The following ASAP2 variants were observed in gnomAD, a reference collection of about 807,000 sequenced individuals.
ASAP2 encodes arf-GAP with SH3 domain, ANK repeat and PH domain-containing protein 2.
In ASAP2, 45 loss-of-function variants were observed where a neutral mutation model predicts 131.4. The observed-to-expected ratio is 0.34, with a 90% CI of 0.27 to 0.44. ASAP2 has a LOEUF of 0.44. Among genes scored for constraint, ASAP2 ranks in the 20% least tolerant of loss-of-function variants. ASAP2 has a pLI of 1.00. For missense variants in ASAP2, 1,011 were observed against 1,297.0 expected (o/e 0.78, Z 3.39); for synonymous variants, 510 against 503.0 (o/e 1.01, Z -0.19).
Position 9,268,900 on chromosome 2 carries a change from T to C in ASAP2, c.127-10417T>C, listed in dbSNP as rs905467342. Among the ~76,000 whole-genome samples the C allele has an allele frequency of 1.3e-5, 2 of 152,216 alleles. No individual in the cohort carries two copies. The highest frequency in any genetic ancestry group is 4.8e-5 in the African/African-American group (2 of 41,454). Reference sequence around the variant, plus strand: ...GAAGCCAGCCTCTTCCCACCCCTGCTGGTTCGCATTGAGAACTCAGGGTGC... The same window carrying C: ...GAAGCCAGCCTCTTCCCACCCCTGCCGGTTCGCATTGAGAACTCAGGGTGC... On this transcript the variant is annotated intron_variant, in intron 1 of 27. Transcript: ENST00000281419. This position sits in a 1 kb window ranked among gnomAD's most constrained non-coding sequence, Gnocchi z 4.1.
At chr2:9,240,893 T>G (rs1205719799) in intron 1 of ASAP2, among the ~76,000 whole-genome samples, 1 of 152,190 alleles carries the variant, frequency 6.6e-6, no homozygotes, top group East Asian at 1.9e-4. Context: ...GGGACAATCA[T>G]CTCATAACCT....
intron 2 of ASAP2, 61 bp downstream of exon 2, chr2:9,279,450 T>G (rs1044483150): frequency 2.0e-5 from 30 of 1,485,312 alleles, no homozygotes; most frequent in African/African-American, 2.8e-5. Context: ...GAAGTCCTGG[T>G]ACCGTAATAT....
chr2:9,276,262 G>T (rs1666753541), intron 1 of ASAP2, among the ~76,000 whole-genome samples: 1 of 152,164 alleles, frequency 6.6e-6, no homozygotes, highest in South Asian at 2.1e-4. Flanking sequence ...CGTGGAGGTG[G>T]CAAGGCATCA....
intron 1 of ASAP2, among the ~76,000 whole-genome samples, chr2:9,278,826 G>A (rs1666928994): frequency 6.6e-6 from 1 of 152,202 alleles, no homozygotes; most frequent in Admixed American, 6.5e-5. Context: ...TTCTAACACA[G>A]CTTACAAGCT....
intron 16 of ASAP2, among the ~76,000 whole-genome samples, chr2:9,374,394 G>C (rs1456877586): frequency 6.6e-6 from 1 of 152,224 alleles, no homozygotes; most frequent in Admixed American, 6.5e-5. Flanking sequence ...GGGCCTTCCT[G>C]GGGGAGGAGG....
chr2:9,312,105 T>C (rs973709929), intron 3 of ASAP2, among the ~76,000 whole-genome samples: 18 of 152,218 alleles, frequency 1.2e-4, no homozygotes, highest in African/African-American at 4.3e-4. Flanking sequence ...TACCAAGTGG[T>C]GCAACCATCA....
chr2:9,270,836 A>G (rs1345037481), intron 1 of ASAP2, among the ~76,000 whole-genome samples: 1 of 112,234 alleles, frequency 8.9e-6, no homozygotes, highest in Non-Finnish European at 1.7e-5. Context: ...TCCGTCGCCC[A>G]GGCTGGAGTG....
At chr2:9,283,887 A>C (rs1667292980) in intron 2 of ASAP2, among the ~76,000 whole-genome samples, 1 of 152,170 alleles carries the variant, frequency 6.6e-6, no homozygotes. Flanking sequence ...ACTTGACCTC[A>C]TCTAAACCTA....
chr2:9,223,707 A>G (rs953077769), intron 1 of ASAP2, among the ~76,000 whole-genome samples: 1 of 152,182 alleles, frequency 6.6e-6, no homozygotes, highest in African/African-American at 2.4e-5. Context: ...GGTCAGGGCC[A>G]TGTCATCCTC....
At chr2:9,333,777 AC>A (rs1670996255) in intron 7 of ASAP2, among the ~76,000 whole-genome samples, 1 of 152,106 alleles carries the variant, frequency 6.6e-6, no homozygotes, top group Admixed American at 6.6e-5. Flanking sequence ...TACACACAGC[AC>A]CCTCCAGAGG....
At chr2:9,374,982 A>G in intron 17 of ASAP2, 38 bp downstream of exon 17, 1 of 1,534,084 alleles carries the variant, frequency 6.5e-7, no homozygotes. Context: ...AAAAAAAAAA[A>G]AAGGCCGGCC....
At chr2:9,260,104 C>G (rs1665475805) in intron 1 of ASAP2, among the ~76,000 whole-genome samples, 1 of 152,180 alleles carries the variant, frequency 6.6e-6, no homozygotes, top group South Asian at 2.1e-4. Flanking sequence ...GGGGAAAGGT[C>G]CTCCACCAAC....
intron 5 of ASAP2, among the ~76,000 whole-genome samples, chr2:9,320,861 C>T (rs17522184): frequency 0.15 from 22,658 of 152,144 alleles, 2,241 homozygotes; most frequent in Middle Eastern, 0.28. Context: ...TGGATGTGAA[C>T]TACGGTTTCT....
At chr2:9,230,664 GTCCATGTTT>G (rs1302527504) in intron 1 of ASAP2, among the ~76,000 whole-genome samples, 1 of 152,174 alleles carries the variant, frequency 6.6e-6, no homozygotes, top group Non-Finnish European at 1.5e-5. Flanking sequence ...GAGGAGGACG[GTCCATGTTT>G]TCCATCACAG....
intron 11 of ASAP2, among the ~76,000 whole-genome samples, chr2:9,350,126 T>G (rs1251367163): frequency 6.6e-6 from 1 of 152,238 alleles, no homozygotes; most frequent in African/African-American, 2.4e-5. Context: ...ATGATCTTTT[T>G]TTTGAAACTG....
chr2:9,260,192 A>G (rs1020727445), intron 1 of ASAP2, among the ~76,000 whole-genome samples: 4 of 152,228 alleles, frequency 2.6e-5, no homozygotes, highest in Non-Finnish European at 5.9e-5. Context: ...GGATAGGAAC[A>G]CTGAGGCCCA....
intron 3 of ASAP2, among the ~76,000 whole-genome samples, chr2:9,303,134 G>GT (rs948304021): frequency 6.6e-6 from 1 of 152,122 alleles, no homozygotes; most frequent in African/African-American, 2.4e-5. Flanking sequence ...GTCTTACTTT[G>GT]TTTTTTAATT....
chr2:9,334,449 A>G lies in ASAP2; in HGVS notation c.687-289A>G, dbSNP rs1671065731. On this transcript the variant is annotated intron_variant, in intron 7 of 27. Coordinates refer to ENST00000281419, the MANE Select transcript of ASAP2 (RefSeq NM_003887.3). ...CGCCCCATGGCCTTTCTGGCTTCAG[A>G]TGCAGAACCTCTCCCGTTATAAACT... is the stretch of plus-strand genomic sequence containing the variant. Among the ~76,000 whole-genome samples, 5 of 152,206 alleles carry G rather than the reference A, an allele frequency of 3.3e-5. No individual in the cohort carries two copies. The South Asian group carries it at 1.0e-3, about 32-fold the overall frequency.
chr2:9,243,862 G>T (rs116281144), intron 1 of ASAP2, among the ~76,000 whole-genome samples: 181 of 152,326 alleles, frequency 1.2e-3, no homozygotes, highest in African/African-American at 2.7e-3. Context: ...TTAGGAAATA[G>T]TGTAGTAAAA....
Sources: allele counts gnomAD v4.1 joint callset (sites outside exome capture counted in the v4.1 genomes callset), GRCh38; gene constraint gnomAD v4.1.1; non-coding constraint Gnocchi (gnomAD v3.1); transcripts MANE v1.5; gene names NCBI Gene and HGNC (gene_info 2026-07-23, HGNC 2026-07-21).